RIMS2: variants seen among roughly 807,000 people sequenced by gnomAD.
RIMS2 encodes the protein regulating synaptic membrane exocytosis 2, also known as regulating synaptic membrane exocytosis protein 2.
In RIMS2, 59 loss-of-function variants were observed where a neutral mutation model predicts 174.4. The observed-to-expected ratio is 0.34, with a 90% confidence interval of 0.27 to 0.42. The LOEUF is 0.42. Among genes scored for constraint, RIMS2 ranks in the 10% least tolerant of loss-of-function variants. The probability of loss-of-function intolerance (pLI) is 1.00; values close to 1 mark genes in which losing one functional copy is unlikely to be tolerated. For missense variants in RIMS2, 1,620 were observed against 1,666.3 expected (o/e 0.97, Z 0.48); for synonymous variants, 606 against 572.5 (o/e 1.06, Z -0.84).
chr8:103,506,513 T>C (rs1225297182), intron 1 of RIMS2, among the ~76,000 whole-genome samples: 1 of 152,088 alleles, frequency 6.6e-6, no homozygotes, highest in African/African-American at 2.4e-5. Flanking sequence ...ATTGTTATTA[T>C]TAAACTCTGA....
intron 19 of RIMS2, among the ~76,000 whole-genome samples, chr8:104,119,479 C>T (rs532444236): frequency 6.6e-6 from 1 of 152,056 alleles, no homozygotes; most frequent in East Asian, 1.9e-4. Flanking sequence ...GACACTTTGC[C>T]CATAAGATTG....
At chr8:104,127,168 C>T (rs999675564) in intron 19 of RIMS2, among the ~76,000 whole-genome samples, 1 of 152,084 alleles carries the variant, frequency 6.6e-6, no homozygotes, top group Admixed American at 6.6e-5. Context: ...TTCAGGTTAA[C>T]TTTTTCCATA....
In RIMS2 at chr8:103,638,504, G is replaced by A. The variant is rs557701763; in HGVS notation, c.177-58582G>A. 4.6e-5 allele frequency among the ~76,000 whole-genome samples: 7 copies of A among 152,002 alleles called. No homozygotes were observed. In the East Asian group the frequency reaches 1.4e-3, roughly 29 times the overall value. ...TTTATCTATATCAGTATGGATTAAT[G>A]GATATTTATTTCTTGAGGGAGCATT... On this transcript the variant is annotated intron_variant, in intron 1 of 23. Transcript: ENST00000504942.
At chr8:103,540,231 C>A (rs1841892275) in intron 1 of RIMS2, among the ~76,000 whole-genome samples, 1 of 152,184 alleles carries the variant, frequency 6.6e-6, no homozygotes, top group Admixed American at 6.5e-5. Flanking sequence ...TGAGTGGGCT[C>A]ATAAGCGAGA....
chr8:103,819,223 C>A (rs1026806803), intron 3 of RIMS2: 2 of 1,240,242 alleles, frequency 1.6e-6, no homozygotes, highest in Non-Finnish European at 2.0e-6. Flanking sequence ...CAGCTTCACA[C>A]TTCAGCTGGG....
chr8:103,957,617 G>A (rs149520088), intron 14 of RIMS2, among the ~76,000 whole-genome samples: 1 of 152,272 alleles, frequency 6.6e-6, no homozygotes, highest in Non-Finnish European at 1.5e-5. Flanking sequence ...GGGAGTGAGG[G>A]GCTAGAGGAG....
At chr8:103,880,789 G>A (rs987975523) in intron 3 of RIMS2, 2 of 390,952 alleles carry the variant, frequency 5.1e-6, no homozygotes, top group East Asian at 7.4e-5. Context: ...AAAGCTTTTT[G>A]TAGGAATTAT....
At chr8:103,846,078 T>G (rs185420070) in intron 3 of RIMS2, among the ~76,000 whole-genome samples, 89 of 152,282 alleles carry the variant, frequency 5.8e-4, no homozygotes, top group African/African-American at 2.0e-3. Context: ...TTCTGCCCAA[T>G]TGACTGGCTG....
intron 1 of RIMS2, among the ~76,000 whole-genome samples, chr8:103,646,314 T>C (rs947669361): frequency 3.3e-5 from 5 of 151,320 alleles, no homozygotes; most frequent in Non-Finnish European, 5.9e-5. Context: ...GAGGTAGAAG[T>C]TTTTTTTTAG....
At chr8:103,735,535 T>C (rs76876054) in intron 2 of RIMS2, among the ~76,000 whole-genome samples, 22,834 of 152,210 alleles carry the variant, frequency 0.15, 1,788 homozygotes, top group Middle Eastern at 0.24. Context: ...CTGATGTTCG[T>C]TCATGGTGGA....
At chr8:104,106,326 G>T (rs2098064341) in intron 19 of RIMS2, among the ~76,000 whole-genome samples, 1 of 151,986 alleles carries the variant, frequency 6.6e-6, no homozygotes, top group Admixed American at 6.6e-5. Flanking sequence ...TTGTATTTCT[G>T]TGATAACTGG....
At chr8:103,933,080 C>A (rs969579377) in intron 12 of RIMS2, among the ~76,000 whole-genome samples, 4 of 152,088 alleles carry the variant, frequency 2.6e-5, no homozygotes, top group Non-Finnish European at 4.4e-5. Context: ...ATCACGAGGT[C>A]AGGAGATCGA....
intron 3 of RIMS2, among the ~76,000 whole-genome samples, chr8:103,804,478 A>G (rs1340225293): frequency 6.8e-6 from 1 of 148,140 alleles, no homozygotes; most frequent in Non-Finnish European, 1.5e-5. Flanking sequence ...AAGGTAACAT[A>G]ACATATATGG....
chr8:103,553,592 A>T (rs1849053200), intron 1 of RIMS2, among the ~76,000 whole-genome samples: 1 of 152,140 alleles, frequency 6.6e-6, no homozygotes, highest in South Asian at 2.1e-4. Flanking sequence ...AACTTAAAGT[A>T]TAATAAAAAA....
chr8:103,878,241 G>C (rs1239331570), intron 3 of RIMS2, among the ~76,000 whole-genome samples: 1 of 151,854 alleles, frequency 6.6e-6, no homozygotes, highest in Non-Finnish European at 1.5e-5. Context: ...GCAGAACTGT[G>C]AGTCAATTAA....
chr8:104,069,734 G>A (rs1214770679), intron 19 of RIMS2, among the ~76,000 whole-genome samples: 1 of 151,910 alleles, frequency 6.6e-6, no homozygotes, highest in African/African-American at 2.4e-5. Context: ...CAAAGTGCTG[G>A]GATTACAAGC....
At chr8:104,080,481 A>C (rs1201927236) in intron 19 of RIMS2, among the ~76,000 whole-genome samples, 1 of 151,972 alleles carries the variant, frequency 6.6e-6, no homozygotes, top group Non-Finnish European at 1.5e-5. Flanking sequence ...AATCTGTATA[A>C]TTTTTAATGA....
At chr8:103,847,734 A>T (rs1042882886) in intron 3 of RIMS2, among the ~76,000 whole-genome samples, 2 of 151,998 alleles carry the variant, frequency 1.3e-5, no homozygotes, top group African/African-American at 4.8e-5. Flanking sequence ...GAAGGGTGGA[A>T]TCATGTTGAG....
At chr8:104,129,608 G>A (rs890324787) in intron 19 of RIMS2, among the ~76,000 whole-genome samples, 3 of 152,186 alleles carry the variant, frequency 2.0e-5, no homozygotes, top group Non-Finnish European at 4.4e-5. Flanking sequence ...TCAGACAACA[G>A]CTTGGCCTAC....
Sources: allele counts gnomAD v4.1 joint callset (sites outside exome capture counted in the v4.1 genomes callset), GRCh38; gene constraint gnomAD v4.1.1; transcripts MANE v1.5; gene names NCBI Gene and HGNC (gene_info 2026-07-23, HGNC 2026-07-21).